HELZ: variants seen among roughly 807,000 people sequenced by gnomAD.
HELZ encodes the protein helicase with zinc finger, also known as ATP-dependent RNA helicase with zinc finger domain.
A neutral mutation model predicts 218.2 loss-of-function variants in HELZ; 23 were observed. That is an observed-to-expected ratio of 0.11 (90% CI 0.08 to 0.15). The LOEUF (loss-of-function observed/expected upper bound fraction) is 0.15, where lower values mean the gene tolerates loss of function less well. Among genes scored for constraint, HELZ ranks in the 10% least tolerant of loss-of-function variants. The pLI is 1.00. For synonymous variants in HELZ, 814 were observed against 829.4 expected (o/e 0.98, Z 0.32); for missense variants, 1,813 against 2,353.7 (o/e 0.77, Z 4.75).
In HELZ at chr17:67,188,047, T is replaced by C. The variant is rs1050204056; in HGVS notation, c.1162+272A>G. 6.6e-6 allele frequency among the ~76,000 whole-genome samples: 1 copy of C among 152,164 alleles called. No homozygotes were observed. The highest frequency in any genetic ancestry group is 2.4e-5 in the African/African-American group (1 of 41,446). The stretch of plus-strand genomic sequence containing the variant: ...GTGCTAAAACCATCTTACTGTGAAA[T>C]GAAACTGGTAGACCAAAACAGGTCT... On this transcript the variant is annotated intron_variant, in intron 12 of 32. Transcript: ENST00000358691. The surrounding 1 kb of genome is among the most constrained non-coding windows in gnomAD (Gnocchi z 4.1).
At chr17:67,078,975 A>G (rs1159451364) in intron 32 of HELZ, among the ~76,000 whole-genome samples, 1 of 152,378 alleles carries the variant, frequency 6.6e-6, no homozygotes, top group East Asian at 1.9e-4. Context: ...CTCTTGGTCA[A>G]AACAGCTTTT....
chr17:67,070,833 G>T lies in HELZ; in HGVS notation c.*7419C>A, dbSNP rs532398341. 2.8e-4 allele frequency: 43 copies of T among 152,206 alleles called. No homozygotes were observed. Among genetic ancestry groups the T allele is most frequent in the African/African-American group, 9.4e-4 (39 of 41,520 alleles). 9.4% of individuals were successfully genotyped at this position (152,206 alleles called of 1,614,324 possible). ...TGCCTATTTAGATGGCTGTATAACT[G>T]GTACTTTGAAGAGATGAACCTGACC... On this transcript the variant is annotated 3_prime_UTR_variant, in exon 33 of 33. Transcript: ENST00000358691.
Position 67,226,011 on chromosome 17 carries a change from C to G in HELZ, c.-18-7189G>C, listed in dbSNP as rs528666643. Among the ~76,000 whole-genome samples, 6 of 152,218 alleles carry G rather than the reference C, an allele frequency of 3.9e-5. No homozygotes were observed. The East Asian group carries it at 1.2e-3, about 29-fold the overall frequency. ...GCGTGGTGGCTCACACCTGTAATCC[C>G]AGCACTTTGGGAGGCTGAGGCGAGT... On this transcript the variant is annotated intron_variant, in intron 3 of 32. Coordinates refer to ENST00000358691, the MANE Select transcript of HELZ (RefSeq NM_014877.4).
At chr17:67,235,749 C>CTTTTTTTTTTT (rs1216322685) in intron 3 of HELZ, among the ~76,000 whole-genome samples, 1 of 78,670 alleles carries the variant, frequency 1.3e-5, no homozygotes, top group Non-Finnish European at 2.3e-5. Flanking sequence ...ACCACACACT[C>CTTTTTTTTTTT]TTTTTTTTTT....
At position 67,122,407 on chromosome 17, in the gene HELZ, G is replaced by A. The variant is rs549325928; in HGVS notation, c.3630+563C>T. ...AAAAATACAAAAAAATTAGCCAGGCGTGGTGGCAGGCACCTGCAGTCCCAG... is the reference window on the plus strand; with the variant it reads ...AAAAATACAAAAAAATTAGCCAGGCATGGTGGCAGGCACCTGCAGTCCCAG... On this transcript the variant is annotated intron_variant, in intron 26 of 32. Transcript: ENST00000358691. Among the ~76,000 whole-genome samples, 12 of 152,304 alleles carry A rather than the reference G, an allele frequency of 7.9e-5. No homozygotes were observed. In the East Asian group the frequency reaches 9.6e-4, roughly 12 times the overall value.
chr17:67,117,814 GT>G (rs2037474905), intron 27 of HELZ, among the ~76,000 whole-genome samples: 1 of 151,912 alleles, frequency 6.6e-6, no homozygotes, highest in African/African-American at 2.4e-5. Context: ...GCCTCCCAAA[GT>G]GCTGGAATTA....
rs930976734 is a variant in HELZ at position 67,162,836 on chromosome 17, T to C, written c.1896-1760A>G. Among the ~76,000 whole-genome samples, 9 of 152,184 alleles carry C rather than the reference T, an allele frequency of 5.9e-5. 1 individual carries two copies. Among genetic ancestry groups the C allele is most frequent in the South Asian group, 2.1e-4 (1 of 4,828 alleles). On this transcript the variant is annotated intron_variant, in intron 15 of 32. Coordinates refer to ENST00000358691, the MANE Select transcript of HELZ (RefSeq NM_014877.4). ...AAACTACAGCAGCCATCTTATATTT[T>C]GCATGAGGCAAAACACATCAGGAAG... is the stretch of plus-strand genomic sequence containing the variant.
In HELZ at chr17:67,120,606, A is replaced by G. The variant is rs1459875336; in HGVS notation, c.3637T>C (p.Trp1213Arg). ...VVMSVPLPVPWTGYQGRFAVD... is the reference protein window; with the variant it reads ...VVMSVPLPVPRTGYQGRFAVD... ...GCAAACCTACCCTGGTATCCTGTCC[A>G]TGGTACCTAGGTTATTAAAAAATAA... Residue 1213 changes from tryptophan to arginine, a missense_variant, in exon 27 of 33, where the codon TGG becomes CGG. Coordinates refer to ENST00000358691, the MANE Select transcript of HELZ (RefSeq NM_014877.4). 2 of 1,610,752 alleles carry G rather than the reference A, an allele frequency of 1.2e-6. No homozygotes were observed. The highest frequency in any genetic ancestry group is 1.7e-5 in the Admixed American group (1 of 60,010).
At chr17:67,207,641 A>G (rs2040340290) in intron 5 of HELZ, among the ~76,000 whole-genome samples, 2 of 152,348 alleles carry the variant, frequency 1.3e-5, no homozygotes, top group African/African-American at 4.8e-5. Context: ...CATACAAACT[A>G]AATCCTTTAG....
chr17:67,136,485 A>T (rs137949305), intron 22 of HELZ, among the ~76,000 whole-genome samples: 12 of 152,200 alleles, frequency 7.9e-5, no homozygotes, highest in South Asian at 2.1e-4. Flanking sequence ...ACTCAAACAG[A>T]TATCTGTATA....
intron 3 of HELZ, chr17:67,225,686 C>T (rs565954839): frequency 6.6e-6 from 1 of 152,286 alleles, no homozygotes; most frequent in South Asian, 2.1e-4. Context: ...TTAGCACCAT[C>T]TTTCCATAAA....
At chr17:67,232,343 G>A (rs577127061) in intron 3 of HELZ, among the ~76,000 whole-genome samples, 65 of 152,138 alleles carry the variant, frequency 4.3e-4, no homozygotes, top group Non-Finnish European at 6.8e-4. Context: ...TAGTAGAGAC[G>A]GGGTTTCACC....
Position 67,178,869 on chromosome 17 carries a change from T to C in HELZ, c.1220A>G (p.Asp407Gly), listed in dbSNP as rs1415490090. The C allele has an allele frequency of 6.2e-7, 1 of 1,613,134 alleles. No individual in the cohort carries two copies. The highest frequency in any genetic ancestry group is 1.3e-5 in the African/African-American group (1 of 75,014). Residue 407 changes from aspartate to glycine, a missense_variant, in exon 13 of 33, where the codon GAT becomes GGT. This residue lies in a region of HELZ where 714 missense variants were observed against 1,029.2 expected (regional missense o/e 0.69). Transcript: ENST00000358691. Reference sequence around the variant, plus strand: ...ATCTATAATAGTCTTAGAGGAAGAATCCCAACGTTTAGCTGTGGTTACTAG... The same window carrying C: ...ATCTATAATAGTCTTAGAGGAAGAACCCCAACGTTTAGCTGTGGTTACTAG... ...QQLVTTAKRWDSSSKTIIDFE... is the reference protein window; with the variant it reads ...QQLVTTAKRWGSSSKTIIDFE...
rs531205964 is a variant in HELZ, at chr17:67,140,416, A to G, written c.2770-2302T>C. ...ACACCGTGGAGCAATTTATGCCCCC[A>G]GGAAGTGAAAAAGGAAAAACATTGA... On this transcript the variant is annotated intron_variant, in intron 21 of 32. Transcript: ENST00000358691. Among the ~76,000 whole-genome samples, 3 of 152,346 alleles carry G rather than the reference A, an allele frequency of 2.0e-5. No individual in the cohort carries two copies. In the South Asian group the frequency reaches 6.2e-4, roughly 32 times the overall value.
chr17:67,184,714 G>C (rs1054828477), intron 12 of HELZ, among the ~76,000 whole-genome samples: 25 of 152,012 alleles, frequency 1.6e-4, no homozygotes, highest in Admixed American at 3.9e-4. Flanking sequence ...TGCTTAGGAG[G>C]CTGAGGTGGG....
At chr17:67,200,994 G>A (rs936680237) in intron 7 of HELZ, 135 bp downstream of exon 7, 1 of 733,250 alleles carries the variant, frequency 1.4e-6, no homozygotes. Flanking sequence ...AGGGAAGGCT[G>A]GCAGTCCCAC....
chr17:67,236,490 G>A (rs1256118542), intron 3 of HELZ, among the ~76,000 whole-genome samples: 2 of 152,028 alleles, frequency 1.3e-5, no homozygotes, highest in Non-Finnish European at 2.9e-5. Flanking sequence ...AGTGTTAACT[G>A]AAAACCACCC....
At chr17:67,140,372 G>A (rs2038285777) in intron 21 of HELZ, among the ~76,000 whole-genome samples, 1 of 152,272 alleles carries the variant, frequency 6.6e-6, no homozygotes, top group Non-Finnish European at 1.5e-5. Context: ...TCCGCCAAGA[G>A]ACCTACGGCA....
At chr17:67,237,682 A>G (rs1266486744) in intron 3 of HELZ, among the ~76,000 whole-genome samples, 1 of 152,216 alleles carries the variant, frequency 6.6e-6, no homozygotes, top group Non-Finnish European at 1.5e-5. Flanking sequence ...GAGGATGGAA[A>G]GTCATTTTAT....
Sources: allele counts gnomAD v4.1 joint callset (sites outside exome capture counted in the v4.1 genomes callset), GRCh38; gene constraint gnomAD v4.1.1; regional missense constraint gnomAD v4.1.1; non-coding constraint Gnocchi (gnomAD v3.1); transcripts MANE v1.5; gene names NCBI Gene and HGNC (gene_info 2026-07-23, HGNC 2026-07-21).